PRKCA: variants seen among roughly 807,000 people sequenced by gnomAD.
PRKCA encodes protein kinase C alpha.
A neutral mutation model predicts 87.0 loss-of-function variants in PRKCA; 27 were observed. The observed-to-expected ratio is 0.31, with a 90% CI of 0.23 to 0.43. The LOEUF (loss-of-function observed/expected upper bound fraction) is 0.43, where lower values mean the gene tolerates loss of function less well. Ranked by LOEUF, PRKCA falls within the 20% of genes least tolerant of loss-of-function variation. The pLI, the probability that PRKCA is intolerant of heterozygous loss-of-function variation, is 1.00. For missense variants in PRKCA, 518 were observed against 852.3 expected, an observed-to-expected ratio of 0.61 and a Z score of 4.88; for synonymous variants, 329 against 311.1, an observed-to-expected ratio of 1.06 and a Z score of -0.61.
chr17:66,798,396 T>TGGTGAC (rs1568040649), intron 16 of PRKCA, among the ~76,000 whole-genome samples: 1 of 121,944 alleles, frequency 8.2e-6, no homozygotes, highest in African/African-American at 3.7e-5. Context: ...GTGGTGGTGG[T>TGGTGAC]GGTGGTGGTG....
chr17:66,703,321 A>G (rs1342056984), intron 8 of PRKCA: 5 of 151,776 alleles, frequency 3.3e-5, no homozygotes, highest in African/African-American at 7.3e-5. Context: ...TTTTGACCCT[A>G]CACAGGTCAG....
chr17:66,684,203 G>C (rs1972565906), intron 5 of PRKCA, among the ~76,000 whole-genome samples: 1 of 152,196 alleles, frequency 6.6e-6, no homozygotes, highest in South Asian at 2.1e-4. Context: ...CTTGTATTAA[G>C]AGCAATTATG....
chr17:66,495,865 G>A (rs1191214905), intron 2 of PRKCA, among the ~76,000 whole-genome samples: 1 of 151,932 alleles, frequency 6.6e-6, no homozygotes, highest in Non-Finnish European at 1.5e-5. Flanking sequence ...CGCTGTGCCC[G>A]GCTAGGATGG....
intron 5 of PRKCA, among the ~76,000 whole-genome samples, chr17:66,646,836 A>C (rs1971471054): frequency 6.6e-6 from 1 of 152,226 alleles, no homozygotes; most frequent in Non-Finnish European, 1.5e-5. Flanking sequence ...GCCTCTGGAT[A>C]ACCTTGAAAC....
chr17:66,335,846 T>C (rs1355480085), intron 2 of PRKCA, among the ~76,000 whole-genome samples: 1 of 152,170 alleles, frequency 6.6e-6, no homozygotes, highest in Non-Finnish European at 1.5e-5. Context: ...TTCAGGTAAA[T>C]TCCTAGGGGT....
At chr17:66,617,236 AT>A (rs2143672065) in intron 3 of PRKCA, among the ~76,000 whole-genome samples, 1 of 152,246 alleles carries the variant, frequency 6.6e-6, no homozygotes, top group Non-Finnish European at 1.5e-5. Flanking sequence ...GGTCAGTTTC[AT>A]GTCTTTTGAC....
At chr17:66,321,856 T>C (rs1351516876) in intron 2 of PRKCA, among the ~76,000 whole-genome samples, 1 of 152,174 alleles carries the variant, frequency 6.6e-6, no homozygotes, top group Non-Finnish European at 1.5e-5. Context: ...AAATCTTTGA[T>C]AGTTCCCAGA....
chr17:66,555,583 T>C (rs1281856531), intron 3 of PRKCA, among the ~76,000 whole-genome samples: 2 of 152,158 alleles, frequency 1.3e-5, no homozygotes, highest in Admixed American at 6.5e-5. Context: ...GAAATCCTAG[T>C]TTCTAACTTC....
chr17:66,741,781 G>A, intron 12 of PRKCA, 60 bp downstream of exon 12: 1 of 1,535,896 alleles, frequency 6.5e-7, no homozygotes, highest in South Asian at 1.1e-5. Context: ...GCCTCTGTGG[G>A]CATGTCATTC....
chr17:66,776,467 G>A (rs1305873185), intron 14 of PRKCA, among the ~76,000 whole-genome samples: 7 of 151,926 alleles, frequency 4.6e-5, no homozygotes, highest in Admixed American at 3.3e-4. Context: ...CTGCCAACAC[G>A]CTTGGCTAAT....
intron 3 of PRKCA, among the ~76,000 whole-genome samples, chr17:66,620,401 T>C (rs1970642792): frequency 6.6e-6 from 1 of 151,880 alleles, no homozygotes; most frequent in Admixed American, 6.6e-5. Context: ...GGGGAAGCAA[T>C]AAGTGGGAGG....
rs1973725164 is a variant in PRKCA at position 66,725,564 on chromosome 17, A to G, written c.919-7124A>G. Among the ~76,000 whole-genome samples, 2 of 151,916 alleles carry G rather than the reference A, an allele frequency of 1.3e-5. 1 individual carries two copies. The highest frequency in any genetic ancestry group is 4.2e-4 in the South Asian group (2 of 4,812). ...GGTGGCTCACACCTATAATCCCAGC[A>G]CTTTGAGAGGCTGAGGTGGGTGGAT... On this transcript the variant is annotated intron_variant, in intron 8 of 16. Transcript: ENST00000413366.
At position 66,808,032 on chromosome 17, in the gene PRKCA, C is replaced by G. The variant is rs1976072363; in HGVS notation, c.*3995C>G. ...CAGTCTGTTCCTCCTCAGAAAACAC[C>G]CCCCAAATGCTAACAACATCCCCAC... On this transcript the variant is annotated 3_prime_UTR_variant, in exon 17 of 17. Coordinates refer to ENST00000413366, the MANE Select transcript of PRKCA (RefSeq NM_002737.3). The G allele has an allele frequency of 1.3e-5, 2 of 152,120 alleles. No homozygotes were observed. Among genetic ancestry groups the G allele is most frequent in the South Asian group, 4.1e-4 (2 of 4,820 alleles). 9.4% of individuals were successfully genotyped at this position (152,120 alleles called of 1,614,324 possible).
intron 2 of PRKCA, among the ~76,000 whole-genome samples, chr17:66,358,789 A>C (rs756659976): frequency 2.0e-5 from 3 of 152,066 alleles, no homozygotes; most frequent in Non-Finnish European, 2.9e-5. Flanking sequence ...ATTACTGTCC[A>C]AATGGCCCCA....
chr17:66,420,621 A>C (rs1016994474), intron 2 of PRKCA, among the ~76,000 whole-genome samples: 2 of 152,180 alleles, frequency 1.3e-5, no homozygotes, highest in African/African-American at 2.4e-5. Flanking sequence ...CGGTTAAGGT[A>C]GGCTCGGCTA....
intron 3 of PRKCA, among the ~76,000 whole-genome samples, chr17:66,604,136 T>C (rs1014524682): frequency 6.6e-6 from 1 of 152,080 alleles, no homozygotes; most frequent in Non-Finnish European, 1.5e-5. Flanking sequence ...ATTTTGCTGT[T>C]AGGAGCCACT....
intron 2 of PRKCA, among the ~76,000 whole-genome samples, chr17:66,455,005 G>A (rs1028493760): frequency 5.9e-5 from 9 of 152,220 alleles, no homozygotes; most frequent in African/African-American, 2.2e-4. Context: ...TGGAGGGAAG[G>A]TGGGGGTTGA....
At chr17:66,467,798 T>TC (rs1915149926) in intron 2 of PRKCA, among the ~76,000 whole-genome samples, 1 of 151,870 alleles carries the variant, frequency 6.6e-6, no homozygotes, top group Non-Finnish European at 1.5e-5. Context: ...GCTCAAGCGA[T>TC]CCCCACGCCT....
At chr17:66,767,487 T>C (rs1974836681) in intron 13 of PRKCA, among the ~76,000 whole-genome samples, 1 of 152,194 alleles carries the variant, frequency 6.6e-6, no homozygotes, top group Non-Finnish European at 1.5e-5. Flanking sequence ...TCTGTTGCCC[T>C]TCTACTTGGT....
Sources: allele counts gnomAD v4.1 joint callset (sites outside exome capture counted in the v4.1 genomes callset), GRCh38; gene constraint gnomAD v4.1.1; transcripts MANE v1.5; gene names NCBI Gene and HGNC (gene_info 2026-07-23, HGNC 2026-07-21).